PARD6G: variants seen among roughly 807,000 people sequenced by gnomAD.
The protein encoded by PARD6G is partitioning defective 6 homolog gamma.
Under a neutral mutation model 10.7 loss-of-function variants are expected in PARD6G, and 7 were observed. The observed-to-expected ratio is 0.66, with a 90% CI of 0.37 to 1.23. The LOEUF (loss-of-function observed/expected upper bound fraction) is 1.23. Ranked by LOEUF, PARD6G falls within the 50% of genes most tolerant of loss-of-function variation. The pLI is 0.02. For synonymous variants in PARD6G, 287 were observed against 269.4 expected (o/e 1.07, Z -0.64); for missense variants, 548 against 571.8 (o/e 0.96, Z 0.42).
chr18:80,229,198 A>C (rs1044177272), intron 1 of PARD6G, among the ~76,000 whole-genome samples: 3 of 152,198 alleles, frequency 2.0e-5, no homozygotes, highest in Non-Finnish European at 4.4e-5. Flanking sequence ...TCGGTCTCCC[A>C]AAGTGCTGGG....
chr18:80,245,530 C>T (rs1317972687), intron 1 of PARD6G, among the ~76,000 whole-genome samples: 2 of 152,140 alleles, frequency 1.3e-5, no homozygotes, highest in East Asian at 1.9e-4. Context: ...GTCCAGGATA[C>T]GACAGTGTGC....
At position 80,183,364 on chromosome 18, in the gene PARD6G, C is replaced by T. The variant is rs1035551407; in HGVS notation, c.295+19346G>A. On this transcript the variant is annotated intron_variant, in intron 2 of 2. Transcript: ENST00000353265. The surrounding 1 kb of genome is among the most constrained non-coding windows in gnomAD (Gnocchi z 4.5). ...CACCAGCATCCGTCTTCTTCCTTTC[C>T]AGCCAGACAACTCTCCCTGGCCCTA... Among the ~76,000 whole-genome samples, 15 of 152,294 alleles carry T rather than the reference C, an allele frequency of 9.8e-5. No homozygotes were observed. The highest frequency in any genetic ancestry group is 3.6e-4 in the African/African-American group (15 of 41,546).
rs780833072 is a variant in PARD6G at position 80,183,511 on chromosome 18, C to A, written c.295+19199G>T. ...AGGCTCAGCACGTGATCCTGCCGGT[C>A]GTACACACAGCCCCAGCTCGAGCAC... On this transcript the variant is annotated intron_variant, in intron 2 of 2. Transcript: ENST00000353265. The surrounding 1 kb of genome is among the most constrained non-coding windows in gnomAD (Gnocchi z 4.5). Among the ~76,000 whole-genome samples, 1 of 152,212 alleles carries A rather than the reference C, an allele frequency of 6.6e-6. No homozygotes were observed. Among genetic ancestry groups the A allele is most frequent in the African/African-American group, 2.4e-5 (1 of 41,486 alleles).
chr18:80,243,412 G>A (rs1967510284), intron 1 of PARD6G, among the ~76,000 whole-genome samples: 1 of 152,238 alleles, frequency 6.6e-6, no homozygotes, highest in South Asian at 2.1e-4. Flanking sequence ...ACAAAAGACC[G>A]GAAGGCCAGA....
At chr18:80,174,521 A>G (rs11660306) in intron 2 of PARD6G, among the ~76,000 whole-genome samples, 24,987 of 152,180 alleles carry the variant, frequency 0.16, 2,519 homozygotes, top group Middle Eastern at 0.28. Flanking sequence ...AACTCAGTGC[A>G]CTGAGAAAAG....
rs1367112938 is a variant in PARD6G, at chr18:80,201,567, T to G, written c.295+1143A>C. ...CAGGATACCCAGGCCCAGTGAGAAC[T>G]GCAGATGCAGAGTGTTCTGATCTTG... On this transcript the variant is annotated intron_variant, in intron 2 of 2. Coordinates refer to ENST00000353265, the MANE Select transcript of PARD6G (RefSeq NM_032510.4). This position sits in a 1 kb window ranked among gnomAD's most constrained non-coding sequence, Gnocchi z 5.9. 6.6e-6 allele frequency among the ~76,000 whole-genome samples: 1 copy of G among 152,220 alleles called. No individual in the cohort carries two copies. The highest frequency in any genetic ancestry group is 2.4e-5 in the African/African-American group (1 of 41,450).
intron 2 of PARD6G, among the ~76,000 whole-genome samples, chr18:80,176,487 G>A (rs1044271509): frequency 7.2e-5 from 11 of 152,062 alleles, no homozygotes; most frequent in African/African-American, 2.2e-4. Context: ...ACAAAGGCCC[G>A]AGAGCCACCA....
At chr18:80,229,627 A>G (rs1967335999) in intron 1 of PARD6G, among the ~76,000 whole-genome samples, 1 of 152,256 alleles carries the variant, frequency 6.6e-6, no homozygotes, top group Admixed American at 6.5e-5. Flanking sequence ...TAAAGGTTGC[A>G]CAACTGACCT....
rs897995765 is a variant in PARD6G, at chr18:80,231,990, A to G, written c.72+15287T>C. On this transcript the variant is annotated intron_variant, in intron 1 of 2. Transcript: ENST00000353265. This position sits in a 1 kb window ranked among gnomAD's most constrained non-coding sequence, Gnocchi z 4.2. The stretch of plus-strand genomic sequence containing the variant: ...TCCGGCAGCTGAACCACAAGCCCTA[A>G]TCTCTGAGCAGAAGCCACTGCGTTC... Among the ~76,000 whole-genome samples the G allele has an allele frequency of 9.9e-5, 15 of 152,152 alleles. No individual in the cohort carries two copies. Among genetic ancestry groups the G allele is most frequent in the Non-Finnish European group, 1.9e-4 (13 of 68,016 alleles).
chr18:80,222,147 C>A (rs1025624940), intron 1 of PARD6G, among the ~76,000 whole-genome samples: 2 of 151,406 alleles, frequency 1.3e-5, no homozygotes, highest in African/African-American at 4.9e-5. Context: ...TGCAGTGGTG[C>A]AATCACAGCT....
chr18:80,222,067 T>C (rs1428104295), intron 1 of PARD6G, among the ~76,000 whole-genome samples: 1 of 151,984 alleles, frequency 6.6e-6, no homozygotes, highest in Non-Finnish European at 1.5e-5. Context: ...GCTCATGGAT[T>C]AGAAAACTTA....
At position 80,202,918 on chromosome 18, in the gene PARD6G, G is replaced by C. The variant is rs1194200876; in HGVS notation, c.87C>G (p.Phe29Leu). The C allele has an allele frequency of 7.5e-7, 1 of 1,329,894 alleles. No individual in the cohort carries two copies. The highest frequency in any genetic ancestry group is 1.0e-6 in the Non-Finnish European group (1 of 1,004,314). The allele number at this position is 1,329,894 out of a possible 1,614,324, so 82.4% of individuals were successfully genotyped here. ...TATGACGGTCCAGAGAGAACCTTCG[G>C]AATTCCGCCCCAAACTACAATGCAA... is the stretch of plus-strand genomic sequence containing the variant. ...VEVKSKFGAE[F>L]RRFSLDRHKP... The change falls in exon 2 of 3, where the codon TTC (phenylalanine) becomes TTG (leucine). Residue 29 changes from phenylalanine to leucine, a missense_variant. Around this residue, in one of 2 missense-constraint regions of PARD6G, gnomAD observed 235 missense variants for 291.9 expected, o/e 0.81. Coordinates refer to ENST00000353265, the MANE Select transcript of PARD6G (RefSeq NM_032510.4).
rs138160227 is a variant in PARD6G, at chr18:80,194,429, A to G, written c.295+8281T>C. ...TCTTGAAGCCTCAGTGTCATCATGT[A>G]TAAAAGGAGGAAACTTATACAACTT... On this transcript the variant is annotated intron_variant, in intron 2 of 2. Coordinates refer to ENST00000353265, the MANE Select transcript of PARD6G (RefSeq NM_032510.4). 1.8e-3 allele frequency among the ~76,000 whole-genome samples: 271 copies of G among 152,354 alleles called. 1 individual carries two copies. Among genetic ancestry groups the G allele is most frequent in the African/African-American group, 6.2e-3 (257 of 41,582 alleles).
intron 2 of PARD6G, among the ~76,000 whole-genome samples, chr18:80,196,583 G>A (rs916109481): frequency 1.3e-5 from 2 of 152,136 alleles, no homozygotes; most frequent in Non-Finnish European, 2.9e-5. Flanking sequence ...GTTTTGCTGG[G>A]ACTACAGGAG....
intron 2 of PARD6G, chr18:80,170,473 G>A (rs2052768566): frequency 6.6e-6 from 1 of 152,148 alleles, no homozygotes; most frequent in East Asian, 1.9e-4. Flanking sequence ...CAGGACTGTC[G>A]GCTGTCAGTC....
chr18:80,232,602 C>T (rs1157778162), intron 1 of PARD6G, among the ~76,000 whole-genome samples: 3 of 152,090 alleles, frequency 2.0e-5, no homozygotes, highest in Admixed American at 2.0e-4. Context: ...GGGAAACTGC[C>T]CCCATGATTC....
chr18:80,160,523 G>C lies in PARD6G; in HGVS notation c.379C>G (p.Arg127Gly). 6.6e-7 allele frequency: 1 copy of C among 1,518,792 alleles called. No individual in the cohort carries two copies. The highest frequency in any genetic ancestry group is 8.8e-7 in the Non-Finnish European group (1 of 1,134,166). 94.1% of individuals were successfully genotyped at this position (1,518,792 alleles called of 1,614,324 possible). A position where few individuals can be genotyped will look rare whatever the true frequency, so the allele number is the denominator to read the frequency against. ...ALGALRDEGP[R>G]RRAHLDIGLP... is the part of the protein sequence containing the mutation. ...CCGATGTCCAGGTGTGCACGCCGCC[G>C]GGGTCCTTCATCACGCAGCGCGCCC... The change falls in exon 3 of 3, where the codon CGG becomes GGG. Residue 127 changes from arginine (R) to glycine (G), a missense_variant. Physicochemically the swap from Arg to Gly is moderately radical, Grantham distance 125 (BLOSUM62 -2). Around this residue, in one of 2 missense-constraint regions of PARD6G, gnomAD observed 235 missense variants for 291.9 expected, o/e 0.81. Coordinates refer to ENST00000353265, the MANE Select transcript of PARD6G (RefSeq NM_032510.4).
chr18:80,160,104 C>T lies in PARD6G; in HGVS notation c.798G>A (p.Ser266=), dbSNP rs1470837582. The part of the protein sequence containing the change: ...VVRGGRALGS[S]GPPSDGTAGF... ...CCGCGGTGCCGTCCGAGGGCGGTCC[C>T]GAGCTGCCCAACGCGCGGCCGCCGC... Residue 266 remains serine (S), a synonymous_variant, in exon 3 of 3, where the codon TCG becomes TCA. Transcript: ENST00000353265. 3 of 1,608,030 alleles carry T rather than the reference C, an allele frequency of 1.9e-6. No homozygotes were observed. The highest frequency in any genetic ancestry group is 2.2e-5 in the East Asian group (1 of 44,800).
At chr18:80,196,890 TAAAAAAAAAAAAAAAA>T (rs572719232) in intron 2 of PARD6G, among the ~76,000 whole-genome samples, 1 of 88,016 alleles carries the variant, frequency 1.1e-5, no homozygotes, top group Non-Finnish European at 2.1e-5. Context: ...TTTCTTTTAT[TAAAAAAAAAAAAAAAA>T]AAAAAAAAAA....
Sources: allele counts gnomAD v4.1 joint callset (sites outside exome capture counted in the v4.1 genomes callset), GRCh38; gene constraint gnomAD v4.1.1; regional missense constraint gnomAD v4.1.1; non-coding constraint Gnocchi (gnomAD v3.1); transcripts MANE v1.5; gene names NCBI Gene and HGNC (gene_info 2026-07-23, HGNC 2026-07-21).